Variants in RNF130 observed in about 807,000 individuals in gnomAD.
RNF130 encodes E3 ubiquitin-protein ligase RNF130.
Under a neutral mutation model 44.6 loss-of-function variants are expected in RNF130, and 21 were observed. That is an observed-to-expected ratio of 0.47 (90% confidence interval 0.33 to 0.68). RNF130 has a LOEUF of 0.68. Among genes scored for constraint, RNF130 ranks in the 30% least tolerant of loss-of-function variants. RNF130 has a pLI of 0.02. For missense variants in RNF130, 479 were observed against 560.6 expected (o/e 0.85, Z 1.47); for synonymous variants, 214 against 210.4 (o/e 1.02, Z -0.15).
chr5:180,055,440 T>TCTG (rs57927481), intron 1 of RNF130, among the ~76,000 whole-genome samples: 10 of 150,778 alleles, frequency 6.6e-5, no homozygotes, highest in Admixed American at 1.3e-4. Context: ...TCAGATGACT[T>TCTG]TGTGTGTGTG....
At chr5:180,058,662 T>TCTCCTGCCTCAGC (rs1764896954) in intron 1 of RNF130, among the ~76,000 whole-genome samples, 1 of 151,960 alleles carries the variant, frequency 6.6e-6, no homozygotes, top group African/African-American at 2.4e-5. Flanking sequence ...TTCAAGCGAG[T>TCTCCTGCCTCAGC]CTCCTGCCTC....
At chr5:179,920,922 T>C (rs1168014522) in intron 7 of RNF130, among the ~76,000 whole-genome samples, 1 of 151,986 alleles carries the variant, frequency 6.6e-6, no homozygotes, top group African/African-American at 2.4e-5. Context: ...TTAGACTTTA[T>C]CTACTGAATT....
chr5:179,920,864 A>T (rs932202235), intron 7 of RNF130, among the ~76,000 whole-genome samples: 2 of 150,302 alleles, frequency 1.3e-5, no homozygotes, highest in Non-Finnish European at 2.9e-5. Context: ...ATCTTGGCTC[A>T]CTGCAACCTA....
rs72813780 is a variant in RNF130 at position 179,966,542 on chromosome 5, G to A, written c.1150+264C>T. On this transcript the variant is annotated intron_variant, in intron 7 of 8. Transcript: ENST00000521389. ...TGTAATGCAATGATTTCAAAACAAG[G>A]TTTATAAAACAGCGACTAAGACAGA... is the stretch of plus-strand genomic sequence containing the variant. 2.0e-3 allele frequency among the ~76,000 whole-genome samples: 311 copies of A among 152,242 alleles called. 1 individual carries two copies. The highest frequency in any genetic ancestry group is 3.6e-3 in the Admixed American group (55 of 15,292).
chr5:179,995,671 G>A (rs979969744), intron 3 of RNF130, among the ~76,000 whole-genome samples: 1 of 152,176 alleles, frequency 6.6e-6, no homozygotes, highest in Non-Finnish European at 1.5e-5. Context: ...GGCTTGGGAA[G>A]CTCAAGGTGC....
intron 3 of RNF130, among the ~76,000 whole-genome samples, chr5:179,989,781 T>C (rs1763037726): frequency 6.6e-6 from 1 of 152,184 alleles, no homozygotes; most frequent in African/African-American, 2.4e-5. Context: ...TCTAGCTGTT[T>C]TGTAAATTCT....
chr5:179,919,976 T>C (rs1172440330), exon 8 of RNF130: 1 of 210,918 alleles, frequency 4.7e-6, no homozygotes, highest in Non-Finnish European at 9.6e-6. Context: ...CCAGCTTCCC[T>C]GGTGCAGAAC....
intron 1 of RNF130, among the ~76,000 whole-genome samples, chr5:180,041,596 G>A (rs557253714): frequency 7.9e-5 from 12 of 152,284 alleles, no homozygotes; most frequent in Non-Finnish European, 1.6e-4. Flanking sequence ...AAATGAGAGA[G>A]AAGGGCAGCC....
intron 5 of RNF130, chr5:179,976,734 T>C (rs930759604): frequency 2.0e-5 from 3 of 151,584 alleles, no homozygotes; most frequent in Admixed American, 6.6e-5. Context: ...AGACTCAAAA[T>C]AGATTACTTT....
intron 3 of RNF130, among the ~76,000 whole-genome samples, chr5:179,981,055 G>C (rs2113719221): frequency 6.6e-6 from 1 of 152,292 alleles, no homozygotes. Flanking sequence ...CCTGGACTAA[G>C]ACTGGGAAGG....
intron 2 of RNF130, among the ~76,000 whole-genome samples, chr5:180,021,566 T>A (rs1490328098): frequency 6.6e-6 from 1 of 152,096 alleles, no homozygotes; most frequent in Non-Finnish European, 1.5e-5. Flanking sequence ...GGGTCCCCAC[T>A]TCAGTCTTTT....
intron 2 of RNF130, 56 bp downstream of exon 2, chr5:180,040,397 T>A: frequency 6.6e-7 from 1 of 1,506,220 alleles, no homozygotes; most frequent in Non-Finnish European, 9.1e-7. Flanking sequence ...TGCTTACCTA[T>A]AAAGCAATGA....
chr5:180,058,187 G>C (rs1218569095), intron 1 of RNF130, among the ~76,000 whole-genome samples: 1 of 152,166 alleles, frequency 6.6e-6, no homozygotes, highest in Non-Finnish European at 1.5e-5. Flanking sequence ...AGGGACCTGA[G>C]GTGGTCTGCA....
chr5:179,939,338 G>C (rs1201576991), intron 7 of RNF130: 3 of 157,588 alleles, frequency 1.9e-5, no homozygotes, highest in Non-Finnish European at 2.8e-5. Flanking sequence ...GACAAATAGG[G>C]GCTCTGTGAG....
intron 7 of RNF130, among the ~76,000 whole-genome samples, chr5:179,923,230 G>A (rs1244901210): frequency 6.6e-6 from 1 of 151,116 alleles, no homozygotes; most frequent in African/African-American, 2.5e-5. Flanking sequence ...GAAAATAAGA[G>A]TTGAAGTTCA....
intron 1 of RNF130, among the ~76,000 whole-genome samples, chr5:180,050,348 GA>G (rs1390486760): frequency 1.3e-5 from 2 of 152,218 alleles, no homozygotes; most frequent in Non-Finnish European, 2.9e-5. Flanking sequence ...CAGGCAGGAG[GA>G]AACCCCTCTG....
chr5:180,044,621 C>G (rs1284609316), intron 1 of RNF130, among the ~76,000 whole-genome samples: 1 of 152,108 alleles, frequency 6.6e-6, no homozygotes, highest in African/African-American at 2.4e-5. Flanking sequence ...ATCATGGGGT[C>G]ATGAGTTCGA....
At chr5:180,028,041 C>T (rs1764031336) in intron 2 of RNF130, among the ~76,000 whole-genome samples, 1 of 152,228 alleles carries the variant, frequency 6.6e-6, no homozygotes, top group African/African-American at 2.4e-5. Flanking sequence ...TTTACTATTA[C>T]CCTATCCACC....
rs778978298 is a variant in RNF130, at chr5:179,970,525, T to G, written c.849-19A>C. The G allele has an allele frequency of 1.9e-6, 3 of 1,574,586 alleles. No individual in the cohort carries two copies. In the East Asian group the frequency reaches 6.7e-5, roughly 35 times the overall value. ...AACATGCCTATAAAATAATGGAGAATTATGTCACAAGTTACATACCAAGAA... is the reference window on the plus strand; with the variant it reads ...AACATGCCTATAAAATAATGGAGAAGTATGTCACAAGTTACATACCAAGAA... On this transcript the variant is annotated intron_variant, in intron 5 of 8. Coordinates refer to ENST00000521389, the MANE Select transcript of RNF130 (RefSeq NM_018434.6).
Sources: gnomAD v4.1 joint callset for allele counts (sites outside exome capture counted in the v4.1 genomes callset) on GRCh38, gnomAD v4.1.1 for gene constraint, MANE v1.5 for transcripts, NCBI Gene and HGNC (gene_info 2026-07-23, HGNC 2026-07-21) for gene names.